Variants in TSPAN8 observed in about 807,000 individuals in gnomAD.
The protein encoded by TSPAN8 is tetraspanin-8.
Under a neutral mutation model 32.8 loss-of-function variants are expected in TSPAN8, and 21 were observed. The ratio of observed to expected loss-of-function variants is 0.64; its 90% CI spans 0.45 to 0.92. The LOEUF (loss-of-function observed/expected upper bound fraction) is 0.92, where lower values mean the gene tolerates loss of function less well. Among genes scored for constraint, TSPAN8 ranks in the 40% least tolerant of loss-of-function variants. The probability of loss-of-function intolerance (pLI) is 0.00; values close to 1 mark genes in which losing one functional copy is unlikely to be tolerated. For missense variants in TSPAN8, 269 were observed against 281.9 expected, an observed-to-expected ratio of 0.95 and a Z score of 0.33; for synonymous variants, 95 against 94.6, an observed-to-expected ratio of 1.00 and a Z score of -0.03.
At position 71,157,785 on chromosome 12, in the gene TSPAN8, C is replaced by A. The variant is rs917258218; in HGVS notation, c.-107G>T. 15 of 803,478 alleles carry A rather than the reference C, an allele frequency of 1.9e-5. No individual in the cohort carries two copies. The highest frequency in any genetic ancestry group is 3.0e-5 in the Non-Finnish European group (14 of 467,230). The allele number at this position is 803,478 out of a possible 1,614,324, so 49.8% of individuals were successfully genotyped here. The stretch of plus-strand genomic sequence containing the variant: ...TTGCCTGCAGAGATTTCTGTATCCA[C>A]GGCTTCAGAGCAGAAAGAGAAAGCA... On this transcript the variant is annotated splice_region_variant and 5_prime_UTR_variant, in exon 2 of 9. Transcript: ENST00000247829.
At chr12:71,143,746 G>A (rs1405211100) in intron 3 of TSPAN8, among the ~76,000 whole-genome samples, 2 of 151,916 alleles carry the variant, frequency 1.3e-5, no homozygotes, top group East Asian at 3.9e-4. Flanking sequence ...AACCACATTG[G>A]GATCAACTAA....
intron 2 of TSPAN8, among the ~76,000 whole-genome samples, chr12:71,147,432 C>A (rs1330497297): frequency 6.6e-6 from 1 of 152,050 alleles, no homozygotes; most frequent in Non-Finnish European, 1.5e-5. Context: ...AAATGGACAC[C>A]TTTTAGGTAA....
chr12:71,145,903 C>T lies in TSPAN8; in HGVS notation c.61-1690G>A, dbSNP rs542272720. Among the ~76,000 whole-genome samples, 6 of 152,240 alleles carry T rather than the reference C, an allele frequency of 3.9e-5. No individual in the cohort carries two copies. The South Asian group carries it at 1.2e-3, about 32-fold the overall frequency. ...GCATTCTTTCCTGATATTTGTTAAACTATCAACGAAAAAACTTTAAGAATT... is the reference window on the plus strand; with the variant it reads ...GCATTCTTTCCTGATATTTGTTAAATTATCAACGAAAAAACTTTAAGAATT... On this transcript the variant is annotated intron_variant, in intron 2 of 8. Coordinates refer to ENST00000247829, the MANE Select transcript of TSPAN8 (RefSeq NM_004616.3).
At chr12:71,144,113 T>C (rs1166390910) in intron 3 of TSPAN8, 38 bp downstream of exon 3, 2 of 1,565,976 alleles carry the variant, frequency 1.3e-6, no homozygotes, top group Non-Finnish European at 1.7e-6. Flanking sequence ...TGAAATAAAC[T>C]ACATTGGGGA....
chr12:71,153,640 T>C (rs549178946), intron 2 of TSPAN8, among the ~76,000 whole-genome samples: 133 of 152,324 alleles, frequency 8.7e-4, no homozygotes, highest in African/African-American at 3.1e-3. Flanking sequence ...AAGTAAACAT[T>C]AGGAATGTGA....
chr12:71,145,003 A>T (rs2137056548), intron 2 of TSPAN8, among the ~76,000 whole-genome samples: 1 of 152,108 alleles, frequency 6.6e-6, no homozygotes, highest in South Asian at 2.1e-4. Context: ...AAAATCAAAG[A>T]TCTATTATTA....
At chr12:71,138,083 C>T in intron 5 of TSPAN8, 23 bp from the exon 6 acceptor site, 1 of 1,612,200 alleles carries the variant, frequency 6.2e-7, no homozygotes. Context: ...AAGTATTTTA[C>T]ATTATTCACG....
intron 4 of TSPAN8, among the ~76,000 whole-genome samples, chr12:71,139,431 G>A (rs1026240919): frequency 2.0e-5 from 3 of 152,204 alleles, no homozygotes; most frequent in Non-Finnish European, 2.9e-5. Context: ...GTATTATTTC[G>A]CACAATATCT....
At chr12:71,131,170 ATATT>A (rs1871508506) in intron 7 of TSPAN8, among the ~76,000 whole-genome samples, 1 of 152,156 alleles carries the variant, frequency 6.6e-6, no homozygotes, top group Non-Finnish European at 1.5e-5. Context: ...TATTTACTCT[ATATT>A]TATTTCCCCT....
rs12311394 is a variant in TSPAN8, at chr12:71,145,044, C to T, written c.61-831G>A. ...AGATGTTAAGAGCTGTGTCTGGTAACATACCAGACACAGCAGGCCTTGGGG... is the reference window on the plus strand; with the variant it reads ...AGATGTTAAGAGCTGTGTCTGGTAATATACCAGACACAGCAGGCCTTGGGG... On this transcript the variant is annotated intron_variant, in intron 2 of 8. Coordinates refer to ENST00000247829, the MANE Select transcript of TSPAN8 (RefSeq NM_004616.3). Among the ~76,000 whole-genome samples the T allele has an allele frequency of 3.0e-3, 450 of 152,054 alleles. 5 individuals are homozygous for T. Among genetic ancestry groups the T allele is most frequent in the African/African-American group, 9.5e-3 (396 of 41,488 alleles).
In TSPAN8 at chr12:71,132,563, G is replaced by A. The variant is rs368913387; in HGVS notation, c.576+130C>T. ...CTTTAAATAAGGATTTTTTTAATTT[G>A]GGAAATTTCTGAGATTTTTATATCA... On this transcript the variant is annotated intron_variant, in intron 7 of 8. Coordinates refer to ENST00000247829, the MANE Select transcript of TSPAN8 (RefSeq NM_004616.3). 2.1e-5 allele frequency: 24 copies of A among 1,117,632 alleles called. No individual in the cohort carries two copies. The East Asian group carries it at 3.5e-4, about 16-fold the overall frequency. 69.2% of individuals were successfully genotyped at this position (1,117,632 alleles called of 1,614,324 possible). A position where few individuals can be genotyped will look rare whatever the true frequency, so the allele number is the denominator to read the frequency against.
intron 3 of TSPAN8, among the ~76,000 whole-genome samples, chr12:71,143,370 T>C (rs1312572891): frequency 6.6e-6 from 1 of 152,156 alleles, no homozygotes; most frequent in African/African-American, 2.4e-5. Flanking sequence ...TTTCCACATT[T>C]GTGATACTGT....
chr12:71,155,736 AT>A lies in TSPAN8; in HGVS notation c.60+1882del, dbSNP rs200596815. 3.1e-3 allele frequency among the ~76,000 whole-genome samples: 459 copies of A among 148,052 alleles called. 3 individuals carry two copies. The highest frequency in any genetic ancestry group is 9.8e-3 in the African/African-American group (398 of 40,504). ...AGTGTAATAATGATATTGTGGTAAC[AT>A]TTTTTTTTTTCTGAGATGGAATCTC... is the stretch of plus-strand genomic sequence containing the variant. On this transcript the variant is annotated intron_variant, in intron 2 of 8. Coordinates refer to ENST00000247829, the MANE Select transcript of TSPAN8 (RefSeq NM_004616.3).
At chr12:71,145,076 G>A (rs1232463713) in intron 2 of TSPAN8, among the ~76,000 whole-genome samples, 2 of 152,088 alleles carry the variant, frequency 1.3e-5, no homozygotes, top group Non-Finnish European at 2.9e-5. Context: ...GGGGGACTTA[G>A]TAGACAATTC....
At chr12:71,126,291 G>C (rs1344347481) in intron 8 of TSPAN8, among the ~76,000 whole-genome samples, 2 of 152,204 alleles carry the variant, frequency 1.3e-5, no homozygotes, top group Non-Finnish European at 2.9e-5. Context: ...TAAAAAGGTT[G>C]ACACCAATTC....
chr12:71,139,535 C>A (rs1362354576), intron 4 of TSPAN8, among the ~76,000 whole-genome samples, 176 bp downstream of exon 4: 1 of 149,502 alleles, frequency 6.7e-6, no homozygotes, highest in African/African-American at 2.5e-5. Flanking sequence ...CCTCCAGTTT[C>A]TAAGCCAAAC....
At chr12:71,130,858 A>G (rs1173135187) in intron 7 of TSPAN8, among the ~76,000 whole-genome samples, 2 of 152,238 alleles carry the variant, frequency 1.3e-5, no homozygotes, top group African/African-American at 4.8e-5. Flanking sequence ...AGAAATGTGA[A>G]TTATGGCCAT....
chr12:71,145,869 T>C (rs1009607737), intron 2 of TSPAN8, among the ~76,000 whole-genome samples: 1 of 152,204 alleles, frequency 6.6e-6, no homozygotes, highest in African/African-American at 2.4e-5. Flanking sequence ...CTTGTAGCTA[T>C]TATGAGTAGC....
chr12:71,144,534 A>G (rs1872011994), intron 2 of TSPAN8, among the ~76,000 whole-genome samples: 1 of 152,186 alleles, frequency 6.6e-6, no homozygotes, highest in Non-Finnish European at 1.5e-5. Context: ...TTAGCATACA[A>G]AAGAAAAGTC....
Sources: gnomAD v4.1 joint callset for allele counts (sites outside exome capture counted in the v4.1 genomes callset) on GRCh38, gnomAD v4.1.1 for gene constraint, MANE v1.5 for transcripts, NCBI Gene and HGNC (gene_info 2026-07-23, HGNC 2026-07-21) for gene names.